PHACTR1: variants seen among roughly 807,000 people sequenced by gnomAD.
PHACTR1 encodes phosphatase and actin regulator 1.
A neutral mutation model predicts 69.2 loss-of-function variants in PHACTR1; 16 were observed. The observed-to-expected ratio is 0.23, with a 90% CI of 0.16 to 0.35. The LOEUF (loss-of-function observed/expected upper bound fraction) is 0.35. PHACTR1 is among the 10% of genes least tolerant of loss of function. The probability of loss-of-function intolerance (pLI) is 1.00; values close to 1 mark genes in which losing one functional copy is unlikely to be tolerated. For missense variants in PHACTR1, 510 were observed against 734.7 expected (o/e 0.69, Z 3.54); for synonymous variants, 312 against 284.5 (o/e 1.10, Z -0.97).
rs750049188 is a variant in PHACTR1 at position 13,160,205 on chromosome 6, C to T, written c.417C>T (p.Ala139=). 1.2e-6 allele frequency: 2 copies of T among 1,613,240 alleles called. No individual in the cohort carries two copies. The highest frequency in any genetic ancestry group is 1.3e-5 in the African/African-American group (1 of 74,850). ...TCCCTGTTTGTCTTTTGTTTGTAGC[C>T]CTGGAAAGGAAAATATCTATGAGGC... The part of the protein sequence containing the change: ...KSEKFKHTSA[A]LERKISMRQS... Residue 139 remains alanine (A), a splice_region_variant and synonymous_variant, in exon 6 of 15, where the codon GCC becomes GCT. Transcript: ENST00000332995.
At chr6:12,780,618 A>C (rs1770697840) in intron 4 of PHACTR1, among the ~76,000 whole-genome samples, 1 of 152,202 alleles carries the variant, frequency 6.6e-6, no homozygotes, top group Non-Finnish European at 1.5e-5. Context: ...TCTCATTTGC[A>C]TGCATAATGA....
intron 5 of PHACTR1, among the ~76,000 whole-genome samples, chr6:13,076,815 A>G (rs1244494964): frequency 6.6e-6 from 1 of 151,920 alleles, no homozygotes; most frequent in Non-Finnish European, 1.5e-5. Context: ...AGCATGTCCA[A>G]AAGGAATGAT....
At chr6:12,744,594 C>T (rs1015666086) in intron 3 of PHACTR1, among the ~76,000 whole-genome samples, 2 of 152,130 alleles carry the variant, frequency 1.3e-5, no homozygotes, top group Admixed American at 1.3e-4. Context: ...GGTCCCAATC[C>T]AGTCCCCAAG....
chr6:12,979,306 G>A (rs1455268187), intron 4 of PHACTR1, among the ~76,000 whole-genome samples: 1 of 152,206 alleles, frequency 6.6e-6, no homozygotes, highest in African/African-American at 2.4e-5. Context: ...TAATCATTAA[G>A]CATGTCTCTG....
chr6:13,265,852 A>G (rs1045037131), intron 10 of PHACTR1, among the ~76,000 whole-genome samples: 1 of 152,156 alleles, frequency 6.6e-6, no homozygotes, highest in African/African-American at 2.4e-5. Flanking sequence ...GGAATTCGGC[A>G]AAGTTCCATC....
At chr6:12,969,091 C>T (rs576469274) in intron 4 of PHACTR1, among the ~76,000 whole-genome samples, 1 of 152,212 alleles carries the variant, frequency 6.6e-6, no homozygotes, top group Non-Finnish European at 1.5e-5. Context: ...GTTCATGACC[C>T]TCGACAGCCT....
At chr6:12,722,937 A>G (rs550682922) in intron 3 of PHACTR1, among the ~76,000 whole-genome samples, 2 of 152,312 alleles carry the variant, frequency 1.3e-5, no homozygotes, top group South Asian at 4.1e-4. Context: ...GGCTTCAAAT[A>G]TCATGTCTTG....
At chr6:13,013,777 A>AT (rs1311897638) in intron 4 of PHACTR1, among the ~76,000 whole-genome samples, 1 of 149,940 alleles carries the variant, frequency 6.7e-6, no homozygotes, top group Admixed American at 6.6e-5. Context: ...CGGTGCTTAT[A>AT]TAGAGCGGCC....
chr6:13,285,153 C>T (rs1781393039), intron 13 of PHACTR1, among the ~76,000 whole-genome samples: 1 of 152,236 alleles, frequency 6.6e-6, no homozygotes, highest in African/African-American at 2.4e-5. Flanking sequence ...TCTCTACTTG[C>T]ACCCTCATAG....
At chr6:13,060,785 C>T (rs191868495) in intron 5 of PHACTR1, among the ~76,000 whole-genome samples, 1 of 151,972 alleles carries the variant, frequency 6.6e-6, no homozygotes, top group Non-Finnish European at 1.5e-5. Context: ...GTACTGGTGA[C>T]TTTTTTCATT....
At chr6:13,261,802 A>G (rs1032394149) in intron 10 of PHACTR1, among the ~76,000 whole-genome samples, 22 of 152,238 alleles carry the variant, frequency 1.4e-4, no homozygotes, top group Non-Finnish European at 1.5e-4. Flanking sequence ...TGAAGCTTTA[A>G]GCTGTAACGT....
chr6:12,737,445 AG>A (rs1430332711), intron 3 of PHACTR1, among the ~76,000 whole-genome samples: 1 of 151,954 alleles, frequency 6.6e-6, no homozygotes, highest in Admixed American at 6.6e-5. Context: ...GTGTCCAGAG[AG>A]ATGAGGGAGG....
chr6:12,891,838 C>T (rs778328720), intron 4 of PHACTR1, among the ~76,000 whole-genome samples: 1 of 152,228 alleles, frequency 6.6e-6, no homozygotes, highest in African/African-American at 2.4e-5. Flanking sequence ...ATTTCACCTA[C>T]ATTCTGTGTA....
intron 7 of PHACTR1, among the ~76,000 whole-genome samples, chr6:13,182,968 T>G (rs1170371344): frequency 6.6e-6 from 1 of 152,166 alleles, no homozygotes; most frequent in Non-Finnish European, 1.5e-5. Flanking sequence ...TTTAAAATAT[T>G]ATTATTTTGT....
intron 4 of PHACTR1, among the ~76,000 whole-genome samples, chr6:12,856,443 C>T (rs1258580017): frequency 2.0e-5 from 3 of 151,914 alleles, no homozygotes; most frequent in South Asian, 2.1e-4. Flanking sequence ...TTAGTAGATG[C>T]GGTGTTTCAC....
At chr6:12,901,058 A>G (rs1346449878) in intron 4 of PHACTR1, among the ~76,000 whole-genome samples, 1 of 152,138 alleles carries the variant, frequency 6.6e-6, no homozygotes, top group Non-Finnish European at 1.5e-5. Flanking sequence ...GGAGAGGGTA[A>G]GGGGATCAGG....
intron 4 of PHACTR1, among the ~76,000 whole-genome samples, chr6:12,929,286 T>C (rs561871414): frequency 3.0e-4 from 45 of 152,250 alleles, no homozygotes; most frequent in African/African-American, 9.9e-4. Flanking sequence ...CCGCTTCTCC[T>C]GCCCTAACCT....
intron 6 of PHACTR1, among the ~76,000 whole-genome samples, chr6:13,169,278 T>C (rs999414788): frequency 2.6e-5 from 4 of 152,146 alleles, no homozygotes; most frequent in East Asian, 1.9e-4. Flanking sequence ...AACATTGTGA[T>C]GATTTGTCCC....
chr6:13,174,493 G>A (rs777262903), intron 6 of PHACTR1, among the ~76,000 whole-genome samples: 3 of 152,248 alleles, frequency 2.0e-5, no homozygotes, highest in East Asian at 1.9e-4. Context: ...TAAAATTGTC[G>A]CATGGCACTT....
Sources: gnomAD v4.1 joint callset for allele counts (sites outside exome capture counted in the v4.1 genomes callset) on GRCh38, gnomAD v4.1.1 for gene constraint, MANE v1.5 for transcripts, NCBI Gene and HGNC (gene_info 2026-07-23, HGNC 2026-07-21) for gene names.